The following TANC2 variants were observed in gnomAD, a reference collection of about 807,000 sequenced individuals.
TANC2 encodes protein TANC2.
TANC2 carries 26 observed loss-of-function variants against 210.5 expected under a neutral mutation model. The observed-to-expected ratio is 0.12, with a 90% CI of 0.09 to 0.17. The LOEUF (loss-of-function observed/expected upper bound fraction) is 0.17, where lower values mean the gene tolerates loss of function less well. Ranked by LOEUF, TANC2 falls within the 10% of genes least tolerant of loss-of-function variation. The pLI is 1.00. For missense variants in TANC2, 2,129 were observed against 2,608.9 expected, an observed-to-expected ratio of 0.82 and a Z score of 4.01; for synonymous variants, 931 against 967.1, an observed-to-expected ratio of 0.96 and a Z score of 0.69.
chr17:63,406,125 A>G, intron 20 of TANC2, 29 bp from the exon 21 acceptor site: 1 of 1,612,842 alleles, frequency 6.2e-7, no homozygotes, highest in Non-Finnish European at 8.5e-7. Context: ...TCTTTGGGCT[A>G]ATTGGTCCCT....
chr17:63,415,284 T>A (rs1211553411), intron 25 of TANC2, among the ~76,000 whole-genome samples: 1 of 152,250 alleles, frequency 6.6e-6, no homozygotes, highest in African/African-American at 2.4e-5. Context: ...TTGCCAAGGC[T>A]TTGCCTCCCT....
chr17:63,176,114 C>T (rs2040571521), intron 5 of TANC2, among the ~76,000 whole-genome samples: 1 of 152,164 alleles, frequency 6.6e-6, no homozygotes, highest in South Asian at 2.1e-4. Context: ...AGTATAAAGT[C>T]ACCAGTCACT....
chr17:63,413,532 GTACAC>G lies in TANC2; in HGVS notation c.3929-6_3929-2del, dbSNP rs1567999429. ...GAGTTTTTTACCCATCATGCATCCT[GTACAC>G]TACAGGTCCAGCCACATGGGCGATG... On this transcript the variant is annotated splice_region_variant and splice_polypyrimidine_tract_variant and intron_variant, in intron 24 of 27. Transcript: ENST00000689528. The G allele has an allele frequency of 6.3e-7, 1 of 1,582,562 alleles. No individual in the cohort carries two copies. Among genetic ancestry groups the G allele is most frequent in the Non-Finnish European group, 8.6e-7 (1 of 1,164,262 alleles).
intron 9 of TANC2, among the ~76,000 whole-genome samples, chr17:63,298,815 C>G (rs958337937): frequency 8.3e-4 from 126 of 152,176 alleles, no homozygotes; most frequent in African/African-American, 2.9e-3. Context: ...AGGGTTGTTA[C>G]ATAGGTATAC....
At chr17:63,075,531 A>G (rs1014481436) in intron 3 of TANC2, among the ~76,000 whole-genome samples, 3 of 148,930 alleles carry the variant, frequency 2.0e-5, no homozygotes, top group African/African-American at 7.7e-5. Context: ...CAAAAGAAAT[A>G]TATATATTTT....
intron 4 of TANC2, among the ~76,000 whole-genome samples, chr17:63,112,552 G>A (rs2038091813): frequency 6.6e-6 from 1 of 152,190 alleles, no homozygotes; most frequent in South Asian, 2.1e-4. Context: ...CACTGGTCAA[G>A]AACCCAGCTG....
chr17:63,027,613 G>A (rs931561093), intron 2 of TANC2, among the ~76,000 whole-genome samples: 1 of 151,570 alleles, frequency 6.6e-6, no homozygotes, highest in African/African-American at 2.4e-5. Context: ...GTCTCCTTAT[G>A]ATAATATAGT....
intron 12 of TANC2, among the ~76,000 whole-genome samples, chr17:63,350,557 A>C (rs763081347): frequency 6.6e-6 from 1 of 152,182 alleles, no homozygotes; most frequent in Non-Finnish European, 1.5e-5. Flanking sequence ...AGAGAACTGG[A>C]CACAAACACA....
rs541248757 is a variant in TANC2, at chr17:63,383,247, CTG to C, written c.2691+3425_2691+3426del. Among the ~76,000 whole-genome samples the C allele has an allele frequency of 4.5e-4, 68 of 152,296 alleles. No individual in the cohort carries two copies. In the South Asian group the frequency reaches 8.1e-3, roughly 18 times the overall value. On this transcript the variant is annotated intron_variant, in intron 15 of 27. Coordinates refer to ENST00000689528, the Ensembl canonical transcript of TANC2. Reference sequence around the variant, plus strand: ...TCCATCCTTTATGTTAGGGTCCACTCTGTGTTGTACAGCTCTGTCGATTTTGC... The same window carrying C: ...TCCATCCTTTATGTTAGGGTCCACTCTGTTGTACAGCTCTGTCGATTTTGC...
intron 2 of TANC2, among the ~76,000 whole-genome samples, chr17:63,045,825 A>G (rs1306187660): frequency 6.6e-6 from 1 of 152,144 alleles, no homozygotes; most frequent in Admixed American, 6.5e-5. Context: ...TAAAAAGTAG[A>G]GATGGGTGTC....
chr17:63,227,524 A>G (rs1567832922), intron 7 of TANC2, among the ~76,000 whole-genome samples: 1 of 152,166 alleles, frequency 6.6e-6, no homozygotes, highest in African/African-American at 2.4e-5. Flanking sequence ...TCAGATGGAT[A>G]GATTACAAAA....
intron 2 of TANC2, among the ~76,000 whole-genome samples, chr17:63,035,405 T>C (rs1185345983): frequency 6.6e-6 from 1 of 152,238 alleles, no homozygotes; most frequent in African/African-American, 2.4e-5. Flanking sequence ...ATCTTCATTT[T>C]CTTGCAGTGG....
intron 9 of TANC2, among the ~76,000 whole-genome samples, chr17:63,292,822 C>A (rs542700262): frequency 2.0e-4 from 31 of 152,224 alleles, no homozygotes; most frequent in Non-Finnish European, 4.6e-4. Context: ...CATTTTATCT[C>A]CATGGTATCA....
chr17:63,336,000 AT>A (rs762906981), intron 11 of TANC2, among the ~76,000 whole-genome samples: 6 of 152,210 alleles, frequency 3.9e-5, no homozygotes, highest in Non-Finnish European at 7.3e-5. Flanking sequence ...AAGCTGGAAA[AT>A]TACTGAGGCA....
Position 63,415,618 on chromosome 17 carries a change from C to T in TANC2, c.4111C>T (p.Arg1371Trp), listed in dbSNP as rs372803024. 9.3e-6 allele frequency: 15 copies of T among 1,613,590 alleles called. No homozygotes were observed. The highest frequency in any genetic ancestry group is 1.1e-5 in the South Asian group (1 of 91,060). The change falls in exon 26 of 28, where the codon CGG becomes TGG. Residue 1371 changes from arginine (R) to tryptophan (W), a missense_variant. Arg to Trp is a moderately radical substitution (Grantham distance 101). Around this residue, in one of 5 missense-constraint regions of TANC2, gnomAD observed 644 missense variants for 937.5 expected, o/e 0.69. Transcript: ENST00000689528. Reference sequence around the variant, plus strand: ...GTTTGGTGAGGACTTGAAAACTTTCCGGGAACTAAAGGTGTCTCTCCTCCT... The same window carrying T: ...GTTTGGTGAGGACTTGAAAACTTTCTGGGAACTAAAGGTGTCTCTCCTCCT...
chr17:63,149,038 G>A (rs1361316209), intron 4 of TANC2: 1 of 152,092 alleles, frequency 6.6e-6, no homozygotes, highest in African/African-American at 2.4e-5. Flanking sequence ...GGGAAGAGGT[G>A]AAGAGTAGAT....
chr17:63,292,712 T>A, intron 9 of TANC2, among the ~76,000 whole-genome samples: 1 of 152,298 alleles, frequency 6.6e-6, no homozygotes, highest in Admixed American at 6.5e-5. Context: ...GTGATTATGA[T>A]TACACTGGAT....
rs551895052 is a variant in TANC2, at chr17:63,123,142, C to T, written c.322+23785C>T. Among the ~76,000 whole-genome samples, 6 of 152,066 alleles carry T rather than the reference C, an allele frequency of 3.9e-5. No individual in the cohort carries two copies. In the South Asian group the frequency reaches 8.3e-4, roughly 21 times the overall value. On this transcript the variant is annotated intron_variant, in intron 4 of 27. Transcript: ENST00000689528. ...GAGTACAGGAATATGAAAGATCTGC[C>T]AAAGATGATTATACAATTTTAAGAA... is the stretch of plus-strand genomic sequence containing the variant.
intron 9 of TANC2, among the ~76,000 whole-genome samples, chr17:63,280,338 G>GT (rs945510462): frequency 2.0e-5 from 3 of 151,948 alleles, no homozygotes; most frequent in Admixed American, 2.0e-4. Flanking sequence ...CCCCAGATAT[G>GT]TTTTTTAATT....
Sources: allele counts gnomAD v4.1 joint callset (sites outside exome capture counted in the v4.1 genomes callset), GRCh38; gene constraint gnomAD v4.1.1; regional missense constraint gnomAD v4.1.1; transcripts MANE v1.5; gene names NCBI Gene and HGNC (gene_info 2026-07-23, HGNC 2026-07-21).